The following MGAT4C variants were observed in gnomAD, a reference collection of about 807,000 sequenced individuals.
MGAT4C encodes alpha-1,3-mannosyl-glycoprotein 4-beta-N-acetylglucosaminyltransferase C.
Under a neutral mutation model 40.1 loss-of-function variants are expected in MGAT4C, and 19 were observed. That is an observed-to-expected ratio of 0.47 (90% CI 0.33 to 0.70). The LOEUF is 0.70. MGAT4C is among the 30% of genes least tolerant of loss of function. MGAT4C has a pLI of 0.02. For missense variants in MGAT4C, 491 were observed against 563.2 expected (o/e 0.87, Z 1.30); for synonymous variants, 181 against 187.1 (o/e 0.97, Z 0.27).
intron 3 of MGAT4C, among the ~76,000 whole-genome samples, chr12:86,418,451 G>A (rs918901337): frequency 2.6e-5 from 4 of 151,976 alleles, no homozygotes; most frequent in African/African-American, 9.7e-5. Flanking sequence ...AAAAATACAG[G>A]CATGGTGGAG....
At chr12:86,112,016 T>C (rs2135645707) in intron 1 of MGAT4C, among the ~76,000 whole-genome samples, 1 of 151,978 alleles carries the variant, frequency 6.6e-6, no homozygotes, top group African/African-American at 2.4e-5. Context: ...TGTGCAAGTA[T>C]ACATATGTAT....
intron 2 of MGAT4C, among the ~76,000 whole-genome samples, chr12:86,661,888 G>A (rs1270599066): frequency 1.3e-5 from 2 of 152,110 alleles, no homozygotes; most frequent in Non-Finnish European, 2.9e-5. Context: ...GTAGTGAGCC[G>A]AGATTGTCAC....
At chr12:86,246,470 GAA>G (rs574343489) in intron 1 of MGAT4C, among the ~76,000 whole-genome samples, 104 of 152,160 alleles carry the variant, frequency 6.8e-4, no homozygotes, top group African/African-American at 2.4e-3. Flanking sequence ...AATGGCTACT[GAA>G]AGAGTCATTT....
chr12:86,652,650 G>A (rs2136536947), intron 2 of MGAT4C, among the ~76,000 whole-genome samples: 1 of 151,940 alleles, frequency 6.6e-6, no homozygotes, highest in Non-Finnish European at 1.5e-5. Flanking sequence ...GACAATGACA[G>A]CTTAAACAAT....
At chr12:86,058,521 ATAT>A (rs775596603) in intron 1 of MGAT4C, among the ~76,000 whole-genome samples, 14 of 152,174 alleles carry the variant, frequency 9.2e-5, no homozygotes, top group Non-Finnish European at 1.9e-4. Flanking sequence ...TGCTTTAAGC[ATAT>A]TATTGTCATC....
chr12:86,806,120 TATTC>T (rs1012403621), intron 1 of MGAT4C, among the ~76,000 whole-genome samples: 3 of 151,996 alleles, frequency 2.0e-5, no homozygotes, highest in Non-Finnish European at 4.4e-5. Flanking sequence ...AAAACCTTTT[TATTC>T]ATTTTCTTAT....
chr12:86,549,956 ATGTAATCCCCACATGTCCAGGGAGGAACC>A (rs1959265961), intron 2 of MGAT4C, among the ~76,000 whole-genome samples: 2 of 152,104 alleles, frequency 1.3e-5, no homozygotes, highest in African/African-American at 4.8e-5. Context: ...TCATCTTGAA[ATGTAATCCCCACATGTCCAGGGAGGAACC>A]TGTAATCCCC....
intron 3 of MGAT4C, among the ~76,000 whole-genome samples, chr12:86,335,663 G>A (rs1046791604): frequency 3.3e-5 from 5 of 152,074 alleles, no homozygotes; most frequent in Non-Finnish European, 7.4e-5. Context: ...GTGGAATTCA[G>A]AAGTAATTAT....
In MGAT4C at chr12:85,958,063, G is replaced by C. The variant is rs1428543335; in HGVS notation, c.*21226C>G. The C allele has an allele frequency of 6.6e-6, 1 of 150,966 alleles. No homozygotes were observed. Among genetic ancestry groups the C allele is most frequent in the African/African-American group, 2.4e-5 (1 of 40,986 alleles). The allele number at this position is 150,966 out of a possible 1,614,324, so 9.4% of individuals were successfully genotyped here. ...TGTGTGTGTGTGTGTGTGTGTGTGT[G>C]TGTGTTTGTTTGCTTGTTTTTGTTT... On this transcript the variant is annotated 3_prime_UTR_variant, in exon 5 of 5. Transcript: ENST00000611864.
chr12:86,673,865 C>A (rs1377469323), intron 2 of MGAT4C, among the ~76,000 whole-genome samples: 1 of 151,756 alleles, frequency 6.6e-6, no homozygotes, highest in African/African-American at 2.4e-5. Context: ...ATTATATGAA[C>A]ATTTTTTATG....
intron 4 of MGAT4C, among the ~76,000 whole-genome samples, chr12:86,314,768 A>G (rs1246677403): frequency 6.6e-6 from 1 of 152,244 alleles, no homozygotes; most frequent in African/African-American, 2.4e-5. Flanking sequence ...ACATTAAAAT[A>G]CGTAAGAATA....
intron 2 of MGAT4C, among the ~76,000 whole-genome samples, chr12:86,703,852 C>T (rs541939098): frequency 6.6e-6 from 1 of 152,164 alleles, no homozygotes; most frequent in Admixed American, 6.6e-5. Flanking sequence ...TGGCTAACTT[C>T]ATAAAAAGGG....
chr12:86,399,346 A>T (rs889053075), intron 3 of MGAT4C, among the ~76,000 whole-genome samples: 2 of 150,132 alleles, frequency 1.3e-5, no homozygotes, highest in Non-Finnish European at 3.0e-5. Flanking sequence ...GAGTGGCGCA[A>T]TCTCGGCTCA....
rs1345365463 is a variant in MGAT4C at position 86,502,818 on chromosome 12, TATATGTATACACGAGTTCTGCTC to T, written c.-228-67576_-228-67554del. 1.2e-4 allele frequency among the ~76,000 whole-genome samples: 14 copies of T among 115,928 alleles called. 1 individual carries two copies. Among genetic ancestry groups the T allele is most frequent in the Non-Finnish European group, 2.2e-4 (12 of 55,090 alleles). The allele number at this position is 115,928 out of a possible 152,430, so 76.1% of individuals were successfully genotyped here. A position where few individuals can be genotyped will look rare whatever the true frequency, so the allele number is the denominator to read the frequency against. On this transcript the variant is annotated intron_variant, in intron 2 of 7. Coordinates refer to the MGAT4C transcript ENST00000548651. ...TATGTATACACGAGTTCTGCTCATA[TATATGTATACACGAGTTCTGCTC>T]ATATATATATATGAGTTCTGCTCAT...
At chr12:86,443,882 C>A (rs1408088788) in intron 2 of MGAT4C, among the ~76,000 whole-genome samples, 1 of 152,164 alleles carries the variant, frequency 6.6e-6, no homozygotes, top group Non-Finnish European at 1.5e-5. Context: ...GCACATGCCA[C>A]CATGCCCGGC....
chr12:86,153,615 T>C (rs935832065), intron 1 of MGAT4C, among the ~76,000 whole-genome samples: 1 of 152,124 alleles, frequency 6.6e-6, no homozygotes, highest in Non-Finnish European at 1.5e-5. Context: ...AGTGACTGGA[T>C]TGTAGGGAGG....
intron 1 of MGAT4C, among the ~76,000 whole-genome samples, chr12:86,802,436 G>A (rs976534126): frequency 3.9e-5 from 6 of 151,948 alleles, no homozygotes; most frequent in African/African-American, 1.2e-4. Flanking sequence ...CCTACAGTTT[G>A]AAAATGATCA....
intron 1 of MGAT4C, among the ~76,000 whole-genome samples, chr12:86,133,954 T>A (rs1593031854): frequency 6.6e-6 from 1 of 152,026 alleles, no homozygotes; most frequent in South Asian, 2.1e-4. Flanking sequence ...TTAGGAGATT[T>A]TATTCCTAAT....
At chr12:86,725,215 C>T (rs1950801328) in intron 2 of MGAT4C, among the ~76,000 whole-genome samples, 1 of 152,046 alleles carries the variant, frequency 6.6e-6, no homozygotes, top group Non-Finnish European at 1.5e-5. Flanking sequence ...TAGAGTACAC[C>T]AGATTTTCCT....
Sources: allele counts gnomAD v4.1 joint callset (sites outside exome capture counted in the v4.1 genomes callset), GRCh38; gene constraint gnomAD v4.1.1; transcripts MANE v1.5; gene names NCBI Gene and HGNC (gene_info 2026-07-23, HGNC 2026-07-21).